The following POLD3 variants were observed in gnomAD, a reference collection of about 807,000 sequenced individuals.
The protein encoded by POLD3 is DNA polymerase delta subunit 3.
A neutral mutation model predicts 58.2 loss-of-function variants in POLD3; 19 were observed. The ratio of observed to expected loss-of-function variants is 0.33; its 90% CI spans 0.23 to 0.48. POLD3 has a LOEUF of 0.48. POLD3 is among the 20% of genes least tolerant of loss of function. The pLI is 0.99. For missense variants in POLD3, 504 were observed against 545.5 expected (o/e 0.92, Z 0.76); for synonymous variants, 172 against 193.5 (o/e 0.89, Z 0.92).
intron 11 of POLD3, among the ~76,000 whole-genome samples, chr11:74,639,550 T>C (rs531977043): frequency 5.3e-5 from 8 of 152,372 alleles, no homozygotes; most frequent in Admixed American, 2.0e-4. Context: ...TGAGAAAGAA[T>C]TTAGATAGCA....
intron 9 of POLD3, among the ~76,000 whole-genome samples, chr11:74,631,079 A>G (rs1030185476): frequency 6.6e-6 from 1 of 152,182 alleles, no homozygotes; most frequent in African/African-American, 2.4e-5. Context: ...AACCTCTGAC[A>G]TTTTATTCTT....
At chr11:74,651,279 A>G (rs1173927980) in intron 4 of POLD3, among the ~76,000 whole-genome samples, 1 of 152,180 alleles carries the variant, frequency 6.6e-6, no homozygotes. Flanking sequence ...TGGCCATGTG[A>G]TCCTGGGAAA....
In POLD3 at chr11:74,642,805, G is replaced by A. The variant is rs116743951; in HGVS notation, c.*2039G>A. The A allele has an allele frequency of 9.2e-4, 906 of 985,356 alleles. 12 individuals are homozygous for A. The African/African-American group carries it at 0.015, about 16-fold the overall frequency. 61.0% of individuals were successfully genotyped at this position (985,356 alleles called of 1,614,324 possible). On this transcript the variant is annotated 3_prime_UTR_variant, in exon 12 of 12. Transcript: ENST00000263681. ...TTGCAATTATTTAAGCTCTGAATGG[G>A]AAGAAGGCTGGTTTTCAGTTGATAT...
intron 4 of POLD3, among the ~76,000 whole-genome samples, chr11:74,658,911 C>T (rs2033170093): frequency 1.3e-5 from 2 of 152,170 alleles, no homozygotes; most frequent in Non-Finnish European, 2.9e-5. Flanking sequence ...ATCTACCATT[C>T]TGGGGTCTAG....
chr11:74,646,801 C>T (rs11236183), downstream of POLD3, among the ~76,000 whole-genome samples: 8,729 of 152,252 alleles, frequency 0.057, 348 homozygotes, highest in Non-Finnish European at 0.081. Context: ...TGGTGTTCTC[C>T]ACTTTGAATG....
At chr11:74,625,702 A>AT in intron 8 of POLD3, 129 bp downstream of exon 8, 1 of 647,500 alleles carries the variant, frequency 1.5e-6, no homozygotes, top group Non-Finnish European at 2.6e-6. Flanking sequence ...GGATACAACT[A>AT]TACAACCAAA....
rs2032946428 is a variant in POLD3, at chr11:74,642,738, T to C, written c.*1972T>C. ...GTTGTTTTAAAACAGTGCTTCAAACTGAGTATCTGATGAGTCTCTTATTTG... is the reference window on the plus strand; with the variant it reads ...GTTGTTTTAAAACAGTGCTTCAAACCGAGTATCTGATGAGTCTCTTATTTG... On this transcript the variant is annotated 3_prime_UTR_variant, in exon 12 of 12. Coordinates refer to ENST00000263681, the MANE Select transcript of POLD3 (RefSeq NM_006591.3). 4 of 983,828 alleles carry C rather than the reference T, an allele frequency of 4.1e-6. No homozygotes were observed. The allele number at this position is 983,828 out of a possible 1,614,324, so 60.9% of individuals were successfully genotyped here.
chr11:74,632,308 A>G (rs2032616966), intron 9 of POLD3, among the ~76,000 whole-genome samples: 1 of 152,164 alleles, frequency 6.6e-6, no homozygotes, highest in Non-Finnish European at 1.5e-5. Context: ...TGTCCCAACA[A>G]AGGTTGCTTT....
intron 9 of POLD3, among the ~76,000 whole-genome samples, chr11:74,631,363 A>C (rs1300529792): frequency 6.6e-6 from 1 of 152,170 alleles, no homozygotes; most frequent in African/African-American, 2.4e-5. Flanking sequence ...TGCATCTCTA[A>C]AATGGGGATT....
chr11:74,624,929 C>T (rs984215738), intron 7 of POLD3, among the ~76,000 whole-genome samples: 6 of 152,136 alleles, frequency 3.9e-5, no homozygotes, highest in African/African-American at 1.2e-4. Flanking sequence ...TTGAACCAAA[C>T]TTCTTTGACT....
chr11:74,611,404 A>C (rs2031906386), intron 3 of POLD3, 95 bp from the exon 4 acceptor site: 1 of 742,610 alleles, frequency 1.3e-6, no homozygotes, highest in Non-Finnish European at 2.4e-6. Context: ...GTGTTTTCCT[A>C]ATTTCACATC....
At chr11:74,664,072 A>C (rs1286126369) in intron 4 of POLD3, among the ~76,000 whole-genome samples, 1 of 152,252 alleles carries the variant, frequency 6.6e-6, no homozygotes. Flanking sequence ...AATGTAAATG[A>C]AAATGACATT....
At chr11:74,592,967 C>A in intron 1 of POLD3, 1 of 1,359,036 alleles carries the variant, frequency 7.4e-7, no homozygotes, top group Non-Finnish European at 9.5e-7. Flanking sequence ...GGGCTGGAGC[C>A]GCGGAGACCG....
At chr11:74,625,092 C>G (rs2032386511) in intron 7 of POLD3, among the ~76,000 whole-genome samples, 1 of 152,148 alleles carries the variant, frequency 6.6e-6, no homozygotes, top group East Asian at 1.9e-4. Flanking sequence ...ATCTTGTAAT[C>G]CTTCTGATTC....
intron 1 of POLD3, chr11:74,592,927 C>G (rs893514287): frequency 7.1e-7 from 1 of 1,411,828 alleles, no homozygotes; most frequent in African/African-American, 1.5e-5. Context: ...GTCCGCGTCC[C>G]TTGGGTGGGC....
chr11:74,664,420 G>C (rs1043476415), intron 4 of POLD3, among the ~76,000 whole-genome samples: 2 of 152,162 alleles, frequency 1.3e-5, no homozygotes, highest in Admixed American at 1.3e-4. Flanking sequence ...TTCATATAAT[G>C]GAGTACAGCT....
At chr11:74,604,586 T>G (rs2031612264) in intron 2 of POLD3, 106 bp from the exon 3 acceptor site, 1 of 683,698 alleles carries the variant, frequency 1.5e-6, no homozygotes, top group African/African-American at 1.8e-5. Context: ...TTCAGAAAAT[T>G]TGATGGACTA....
At chr11:74,633,740 G>A (rs2032662472) in intron 9 of POLD3, among the ~76,000 whole-genome samples, 1 of 152,134 alleles carries the variant, frequency 6.6e-6, no homozygotes. Flanking sequence ...TCATTTCTTG[G>A]GTGATGCCAC....
intron 10 of POLD3, among the ~76,000 whole-genome samples, chr11:74,635,055 AAC>A (rs1362958563): frequency 1.3e-5 from 2 of 152,168 alleles, no homozygotes; most frequent in African/African-American, 4.8e-5. Flanking sequence ...CAAACAACTT[AAC>A]ACACGTTTGT....
Sources: allele counts gnomAD v4.1 joint callset (sites outside exome capture counted in the v4.1 genomes callset), GRCh38; gene constraint gnomAD v4.1.1; transcripts MANE v1.5; gene names NCBI Gene and HGNC (gene_info 2026-07-23, HGNC 2026-07-21).